The following LRRC7 variants were observed in gnomAD, a reference collection of about 807,000 sequenced individuals.
LRRC7 encodes leucine-rich repeat-containing protein 7.
In LRRC7, 23 loss-of-function variants were observed where a neutral mutation model predicts 175.7. The observed-to-expected ratio is 0.13, with a 90% CI of 0.09 to 0.19. The LOEUF (loss-of-function observed/expected upper bound fraction) is 0.19. LRRC7 is among the 10% of genes least tolerant of loss of function. The pLI, the probability that LRRC7 is intolerant of heterozygous loss-of-function variation, is 1.00. For missense variants in LRRC7, 1,354 were observed against 1,904.7 expected (o/e 0.71, Z 5.38); for synonymous variants, 685 against 680.9 (o/e 1.01, Z -0.09).
At chr1:69,926,266 G>GA (rs1362331498) in intron 7 of LRRC7, among the ~76,000 whole-genome samples, 2 of 134,108 alleles carry the variant, frequency 1.5e-5, no homozygotes, top group African/African-American at 5.3e-5. Flanking sequence ...GTGTGGTGCT[G>GA]AAAAAAATGT....
chr1:69,648,730 C>T (rs2100469679), intron 1 of LRRC7, among the ~76,000 whole-genome samples: 1 of 152,272 alleles, frequency 6.6e-6, no homozygotes, highest in African/African-American at 2.4e-5. Context: ...TACTCTCTGC[C>T]CTCTCTTGGG....
chr1:70,133,314 G>C lies in LRRC7; in HGVS notation c.*11427G>C, dbSNP rs1417949483. The stretch of plus-strand genomic sequence containing the variant: ...CGGCTCACTGCAACCTCCACCTCCT[G>C]GGTTCAAACGATTTTCCTGCCTCAG... On this transcript the variant is annotated 3_prime_UTR_variant, in exon 27 of 27. Coordinates refer to ENST00000651989, the MANE Select transcript of LRRC7 (RefSeq NM_001370785.2). 6.6e-6 allele frequency among the ~76,000 whole-genome samples: 1 copy of C among 151,984 alleles called. No individual in the cohort carries two copies. The highest frequency in any genetic ancestry group is 1.5e-5 in the Non-Finnish European group (1 of 68,008).
chr1:69,859,432 T>C (rs190455261), intron 7 of LRRC7, among the ~76,000 whole-genome samples: 32 of 152,210 alleles, frequency 2.1e-4, no homozygotes, highest in Non-Finnish European at 7.4e-5. Context: ...GTATCAAAGC[T>C]TTATTACATT....
At chr1:69,938,377 A>G (rs1416283803) in intron 8 of LRRC7, among the ~76,000 whole-genome samples, 2 of 152,100 alleles carry the variant, frequency 1.3e-5, no homozygotes, top group African/African-American at 2.4e-5. Flanking sequence ...TAGTAAGGCT[A>G]CAGATTATAA....
chr1:69,595,879 A>T (rs975391047), intron 1 of LRRC7, among the ~76,000 whole-genome samples: 5 of 151,980 alleles, frequency 3.3e-5, no homozygotes, highest in Non-Finnish European at 5.9e-5. Context: ...TAACTTCCTT[A>T]GCTTTTACAA....
chr1:69,717,922 A>AGAAAT (rs1387660088), intron 2 of LRRC7, among the ~76,000 whole-genome samples: 1 of 25,474 alleles, frequency 3.9e-5, no homozygotes, highest in Non-Finnish European at 6.5e-5. Flanking sequence ...AAAGAGAGAA[A>AGAAAT]AAAAGAAAAG....
At chr1:69,864,240 TC>T (rs1182720413) in intron 7 of LRRC7, among the ~76,000 whole-genome samples, 3 of 152,228 alleles carry the variant, frequency 2.0e-5, no homozygotes, top group Admixed American at 1.3e-4. Context: ...GTCTATGAGT[TC>T]CCTTATGGGG....
chr1:69,588,315 A>C (rs1455959422), intron 1 of LRRC7, among the ~76,000 whole-genome samples: 2 of 152,204 alleles, frequency 1.3e-5, no homozygotes, highest in Non-Finnish European at 2.9e-5. Context: ...CTCTTAACAT[A>C]CATTATCTAT....
At chr1:69,819,573 CTCTCTGTG>C (rs1244081328) in intron 4 of LRRC7, among the ~76,000 whole-genome samples, 5 of 128,104 alleles carry the variant, frequency 3.9e-5, no homozygotes, top group African/African-American at 1.8e-4. Flanking sequence ...CTCTCTCTCT[CTCTCTGTG>C]TGTGTGTGTG....
intron 2 of LRRC7, among the ~76,000 whole-genome samples, chr1:69,689,224 C>A (rs1310421449): frequency 2.0e-5 from 3 of 152,150 alleles, no homozygotes; most frequent in Non-Finnish European, 4.4e-5. Flanking sequence ...TTCCTTTCAA[C>A]CTTAAACGAC....
intron 7 of LRRC7, among the ~76,000 whole-genome samples, chr1:69,860,119 T>C (rs1170744728): frequency 1.3e-5 from 2 of 152,042 alleles, no homozygotes; most frequent in Non-Finnish European, 2.9e-5. Flanking sequence ...TTTTTATTTG[T>C]TGTTTTTTAA....
chr1:69,623,646 G>A (rs569612265), intron 1 of LRRC7, among the ~76,000 whole-genome samples: 2 of 151,700 alleles, frequency 1.3e-5, no homozygotes, highest in Admixed American at 1.3e-4. Context: ...TGCCTCCTGG[G>A]TTCAAGCAAT....
chr1:69,673,956 C>T (rs975965141), intron 1 of LRRC7, among the ~76,000 whole-genome samples: 23 of 151,954 alleles, frequency 1.5e-4, no homozygotes, highest in Middle Eastern at 3.4e-3. Flanking sequence ...AACATATTAA[C>T]ACTAAAAACA....
intron 8 of LRRC7, among the ~76,000 whole-genome samples, chr1:69,934,643 T>C (rs927260828): frequency 6.6e-6 from 1 of 152,098 alleles, no homozygotes; most frequent in African/African-American, 2.4e-5. Flanking sequence ...TCATCCTATA[T>C]ATAACCATTA....
At chr1:70,115,285 A>AG (rs1172890817) in intron 26 of LRRC7, among the ~76,000 whole-genome samples, 3 of 152,212 alleles carry the variant, frequency 2.0e-5, no homozygotes, top group Non-Finnish European at 4.4e-5. Context: ...TCCCTGCAGA[A>AG]GCATTTTTTG....
chr1:69,985,428 T>C (rs1209206395), intron 9 of LRRC7, among the ~76,000 whole-genome samples: 3 of 152,242 alleles, frequency 2.0e-5, no homozygotes, highest in South Asian at 2.1e-4. Context: ...GCAGCTTCTT[T>C]AGTTGGGAGT....
In LRRC7 at chr1:69,857,557, T is replaced by C. The variant is rs548261652; in HGVS notation, c.647+19274T>C. On this transcript the variant is annotated intron_variant, in intron 7 of 26. Coordinates refer to ENST00000651989, the MANE Select transcript of LRRC7 (RefSeq NM_001370785.2). ...ACCTAGGAATCCAGCTTACAAGGGA[T>C]GTGAAGGACCTCTTCAAGGAGAACT... 5.9e-3 allele frequency among the ~76,000 whole-genome samples: 901 copies of C among 152,170 alleles called. 12 individuals carry two copies. The highest frequency in any genetic ancestry group is 0.021 in the African/African-American group (878 of 41,474).
chr1:69,957,363 C>T lies in LRRC7; in HGVS notation c.712-23016C>T, dbSNP rs571393561. 2.2e-4 allele frequency among the ~76,000 whole-genome samples: 34 copies of T among 151,860 alleles called. No individual in the cohort carries two copies. In the South Asian group the frequency reaches 3.3e-3, roughly 15 times the overall value. ...TAGATTCTTACTTCCATTGAACAAACGTAAGGTACTGACATAAAAAGCAGA... is the reference window on the plus strand; with the variant it reads ...TAGATTCTTACTTCCATTGAACAAATGTAAGGTACTGACATAAAAAGCAGA... On this transcript the variant is annotated intron_variant, in intron 8 of 26. Transcript: ENST00000651989.
chr1:69,724,122 C>T lies in LRRC7; in HGVS notation c.101-36069C>T, dbSNP rs185895377. Among the ~76,000 whole-genome samples the T allele has an allele frequency of 1.4e-3, 208 of 152,232 alleles. 1 individual carries two copies. The highest frequency in any genetic ancestry group is 4.2e-3 in the African/African-American group (175 of 41,546). On this transcript the variant is annotated intron_variant, in intron 2 of 26. Coordinates refer to ENST00000651989, the MANE Select transcript of LRRC7 (RefSeq NM_001370785.2). The stretch of plus-strand genomic sequence containing the variant: ...TGACTGTTTAAAATTGAGCACATTC[C>T]TTCATTTTTCATTGCTTCTTTTTCC...
Sources: allele counts gnomAD v4.1 joint callset (sites outside exome capture counted in the v4.1 genomes callset), GRCh38; gene constraint gnomAD v4.1.1; transcripts MANE v1.5; gene names NCBI Gene and HGNC (gene_info 2026-07-23, HGNC 2026-07-21).